Variants in SPAG1 observed in about 807,000 individuals in gnomAD.
SPAG1 encodes the protein sperm-associated antigen 1.
Under a neutral mutation model 100.5 loss-of-function variants are expected in SPAG1, and 69 were observed. That is an observed-to-expected ratio of 0.69 (90% CI 0.57 to 0.84). The LOEUF (loss-of-function observed/expected upper bound fraction) is 0.84, where lower values mean the gene tolerates loss of function less well. SPAG1 is among the 40% of genes least tolerant of loss of function. The probability of loss-of-function intolerance (pLI) is 0.00; values close to 1 mark genes in which losing one functional copy is unlikely to be tolerated. For missense variants in SPAG1, 955 were observed against 1,133.1 expected, an observed-to-expected ratio of 0.84 and a Z score of 2.26; for synonymous variants, 336 against 411.6, an observed-to-expected ratio of 0.82 and a Z score of 2.22.
intron 16 of SPAG1, among the ~76,000 whole-genome samples, chr8:100,237,962 G>A (rs541940961): frequency 1.3e-5 from 2 of 152,152 alleles, no homozygotes; most frequent in Non-Finnish European, 2.9e-5. Flanking sequence ...CCACCTTCTG[G>A]TCATTGCTGT....
intron 16 of SPAG1, 119 bp downstream of exon 16, chr8:100,233,656 G>T: frequency 9.8e-7 from 1 of 1,022,976 alleles, no homozygotes; most frequent in Non-Finnish European, 1.4e-6. Flanking sequence ...TTTAATCCTA[G>T]AACTGTACTA....
intron 8 of SPAG1, 127 bp downstream of exon 8, chr8:100,187,377 C>A: frequency 1.5e-6 from 1 of 680,382 alleles, no homozygotes; most frequent in Non-Finnish European, 2.1e-6. Context: ...TGTGAATCAC[C>A]AACTTCATAA....
intron 16 of SPAG1, among the ~76,000 whole-genome samples, chr8:100,233,865 G>C (rs1188792674): frequency 6.6e-6 from 1 of 152,218 alleles, no homozygotes; most frequent in East Asian, 1.9e-4. Context: ...CAGTAATGCT[G>C]CTGGTTCCTC....
intron 10 of SPAG1, among the ~76,000 whole-genome samples, chr8:100,203,397 C>T (rs1044403460): frequency 3.3e-5 from 5 of 152,032 alleles, no homozygotes; most frequent in Admixed American, 6.6e-5. Flanking sequence ...TTTTAGTACC[C>T]GGAGTGGTTC....
At chr8:100,207,728 G>A (rs1817567112) in intron 10 of SPAG1, among the ~76,000 whole-genome samples, 1 of 152,186 alleles carries the variant, frequency 6.6e-6, no homozygotes, top group Admixed American at 6.5e-5. Flanking sequence ...CCGCCATCAT[G>A]TTATTCCACA....
At chr8:100,202,437 G>A (rs143153593) in intron 10 of SPAG1, among the ~76,000 whole-genome samples, 3,883 of 151,534 alleles carry the variant, frequency 0.026, 152 homozygotes, top group East Asian at 0.1. Flanking sequence ...CAGGCCGGGC[G>A]CGGTGGCTCA....
chr8:100,198,970 A>G (rs1168386937), intron 10 of SPAG1, among the ~76,000 whole-genome samples: 1 of 152,248 alleles, frequency 6.6e-6, no homozygotes, highest in Non-Finnish European at 1.5e-5. Context: ...CTTTTTATGT[A>G]GAAATAATAT....
chr8:100,227,190 A>C (rs1818555759), intron 14 of SPAG1, among the ~76,000 whole-genome samples: 1 of 152,364 alleles, frequency 6.6e-6, no homozygotes, highest in African/African-American at 2.4e-5. Context: ...TGTGTAATGC[A>C]GGTGCTTCCT....
rs1817853753 is a variant in SPAG1, at chr8:100,213,911, T to C, written c.1528T>C (p.Cys510Arg). 1.9e-6 allele frequency: 3 copies of C among 1,577,642 alleles called. No individual in the cohort carries two copies. The highest frequency in any genetic ancestry group is 1.7e-5 in the Admixed American group (1 of 59,418). The part of the protein sequence containing the change: ...EGNCSGCIQD[C>R]NRALELHPFS... ...AAACTGCAGTGGCTGCATTCAAGATTGTAACAGGTAAACTGCACGTTTTCA... is the reference window on the plus strand; with the variant it reads ...AAACTGCAGTGGCTGCATTCAAGATCGTAACAGGTAAACTGCACGTTTTCA... Residue 510 changes from cysteine to arginine, a missense_variant, in exon 12 of 19, where the codon TGT becomes CGT. Physicochemically the swap from Cys to Arg is radical, Grantham distance 180 (BLOSUM62 -3). Transcript: ENST00000388798.
At chr8:100,184,202 A>G (rs1816490731) in intron 6 of SPAG1, 140 bp downstream of exon 6, 1 of 447,122 alleles carries the variant, frequency 2.2e-6, no homozygotes, top group African/African-American at 2.1e-5. Context: ...ACAGTTGACC[A>G]CTCAACAAAT....
chr8:100,239,136 T>A lies in SPAG1; in HGVS notation c.2116-104T>A. The A allele has an allele frequency of 3.1e-6, 2 of 640,738 alleles. No homozygotes were observed. The highest frequency in any genetic ancestry group is 2.7e-6 in the Non-Finnish European group (1 of 376,556). The allele number at this position is 640,738 out of a possible 1,614,324, so 39.7% of individuals were successfully genotyped here. A position where few individuals can be genotyped will look rare whatever the true frequency, so the allele number is the denominator to read the frequency against. ...GTAAGAGTGGTATTAATGTGGACCCTGCACACATACTGCACAGCTCACTAC... is the reference window on the plus strand; with the variant it reads ...GTAAGAGTGGTATTAATGTGGACCCAGCACACATACTGCACAGCTCACTAC... On this transcript the variant is annotated intron_variant, in intron 16 of 18. Transcript: ENST00000388798. This position sits in a 1 kb window ranked among gnomAD's most constrained non-coding sequence, Gnocchi z 5.0.
intron 3 of SPAG1, among the ~76,000 whole-genome samples, chr8:100,176,109 C>A (rs188425926): frequency 6.6e-6 from 1 of 152,254 alleles, no homozygotes; most frequent in East Asian, 1.9e-4. Flanking sequence ...GACAGATATT[C>A]TTTCTCTTTA....
Position 100,220,493 on chromosome 8 carries a change from CCTT to C in SPAG1, c.1688+64_1688+66del, listed in dbSNP as rs574557444. On this transcript the variant is annotated intron_variant, in intron 13 of 18. Coordinates refer to ENST00000388798, the MANE Select transcript of SPAG1 (RefSeq NM_003114.5). Reference sequence around the variant, plus strand: ...TTTTATACTGTTTTTCCCTTCCCCTCCTTCAAGAACATGTCAAAATATAGATGT... The same window carrying C: ...TTTTATACTGTTTTTCCCTTCCCCTCCAAGAACATGTCAAAATATAGATGT... 376 of 1,348,492 alleles carry C rather than the reference CCTT, an allele frequency of 2.8e-4. 1 individual carries two copies. The highest frequency in any genetic ancestry group is 3.7e-4 in the Non-Finnish European group (358 of 978,666). The allele number at this position is 1,348,492 out of a possible 1,614,324, so 83.5% of individuals were successfully genotyped here.
In SPAG1 at chr8:100,213,262, TGCG is replaced by T. The variant is rs962670800; in HGVS notation, c.1283_1285del (p.Ala428del). The T allele has an allele frequency of 3.3e-4, 400 of 1,208,380 alleles. No individual in the cohort carries two copies. Among genetic ancestry groups the T allele is most frequent in the East Asian group, 8.6e-4 (25 of 29,138 alleles). The allele number at this position is 1,208,380 out of a possible 1,614,324, so 74.9% of individuals were successfully genotyped here. ...ACAAGCGGAGCCCACGGCGGGCCTCTGCGGCGGCGGCGGCGGGCGGCGGCGCCA... is the reference window on the plus strand; with the variant it reads ...ACAAGCGGAGCCCACGGCGGGCCTCTGCGGCGGCGGCGGGCGGCGGCGCCA... On this transcript the variant is annotated inframe_deletion, in exon 11 of 19. Transcript: ENST00000388798.
At chr8:100,188,035 TAG>T (rs1816660294) in intron 8 of SPAG1, among the ~76,000 whole-genome samples, 3 of 152,100 alleles carry the variant, frequency 2.0e-5, no homozygotes. Context: ...GTATTTTTAG[TAG>T]AGAGACGGGG....
Position 100,241,012 on chromosome 8 carries a change from AT to A in SPAG1, c.2772del (p.Tyr924Ter). ...GATATACAGGCCCTAAAAAGGCAGT[AT>A]GAGCTTTAAATCAAGATAATTGTTA... ...LEDIQALKRQ[Y>X]EL On this transcript the variant is annotated frameshift_variant, in exon 19 of 19. Coordinates refer to ENST00000388798, the MANE Select transcript of SPAG1 (RefSeq NM_003114.5). LOFTEE classifies it high-confidence loss of function. This position sits in a 1 kb window ranked among gnomAD's most constrained non-coding sequence, Gnocchi z 5.1. 6.2e-7 allele frequency: 1 copy of A among 1,611,944 alleles called. No homozygotes were observed. The highest frequency in any genetic ancestry group is 1.7e-4 in the Middle Eastern group (1 of 6,052).
chr8:100,179,969 C>G (rs1026095608), intron 4 of SPAG1, among the ~76,000 whole-genome samples: 3 of 152,176 alleles, frequency 2.0e-5, no homozygotes, highest in African/African-American at 7.2e-5. Context: ...TGAAGGAGGC[C>G]TGTCGCTTTA....
intron 14 of SPAG1, among the ~76,000 whole-genome samples, chr8:100,226,121 C>T (rs7840712): frequency 2.4e-4 from 37 of 151,772 alleles, no homozygotes; most frequent in African/African-American, 8.7e-4. Flanking sequence ...CTCAGCCTCC[C>T]GAGTAGCTGA....
Position 100,220,450 on chromosome 8 carries a change from C to T in SPAG1, c.1688+19C>T. ...TTAACAGGTAATTAATCTGAGGCAG[C>T]TACCTAAAATCTAGTTGTTTTATAC... On this transcript the variant is annotated intron_variant, in intron 13 of 18. Coordinates refer to ENST00000388798, the MANE Select transcript of SPAG1 (RefSeq NM_003114.5). 6.3e-7 allele frequency: 1 copy of T among 1,597,658 alleles called. No homozygotes were observed. The highest frequency in any genetic ancestry group is 8.5e-7 in the Non-Finnish European group (1 of 1,173,262).
Sources: gnomAD v4.1 joint callset for allele counts (sites outside exome capture counted in the v4.1 genomes callset) on GRCh38, gnomAD v4.1.1 for gene constraint, Gnocchi (gnomAD v3.1) non-coding constraint, MANE v1.5 for transcripts, NCBI Gene and HGNC (gene_info 2026-07-23, HGNC 2026-07-21) for gene names.